The following ARHGEF11 variants were observed in gnomAD, a reference collection of about 807,000 sequenced individuals.
ARHGEF11 encodes the protein Rho guanine nucleotide exchange factor 11, also known as Rho guanine exchange factor (GEF) 11.
In ARHGEF11, 55 loss-of-function variants were observed where a neutral mutation model predicts 193.7. The observed-to-expected ratio is 0.28, with a 90% CI of 0.23 to 0.36. ARHGEF11 has a LOEUF of 0.36. ARHGEF11 is among the 10% of genes least tolerant of loss of function. The pLI, the probability that ARHGEF11 is intolerant of heterozygous loss-of-function variation, is 1.00. For synonymous variants in ARHGEF11, 693 were observed against 768.0 expected, an observed-to-expected ratio of 0.90 and a Z score of 1.62; for missense variants, 1,723 against 2,005.6, an observed-to-expected ratio of 0.86 and a Z score of 2.69.
intron 3 of ARHGEF11, among the ~76,000 whole-genome samples, chr1:156,982,074 T>C (rs1403595786): frequency 1.3e-5 from 2 of 152,208 alleles, no homozygotes; most frequent in African/African-American, 2.4e-5. Flanking sequence ...TATGGAAGAG[T>C]ACTTGCAAAT....
intron 11 of ARHGEF11, among the ~76,000 whole-genome samples, chr1:156,966,282 A>G (rs1246276640): frequency 6.6e-6 from 1 of 152,110 alleles, no homozygotes; most frequent in Admixed American, 6.6e-5. Context: ...AGTCAAAAGA[A>G]CTCCAGAAAG....
At position 156,947,945 on chromosome 1, in the gene ARHGEF11, G is replaced by A. The variant is rs1658445988; in HGVS notation, c.2165C>T (p.Ser722Phe). 5.6e-6 allele frequency: 9 copies of A among 1,613,162 alleles called. No individual in the cohort carries two copies. Among genetic ancestry groups the A allele is most frequent in the Non-Finnish European group, 7.6e-6 (9 of 1,179,286 alleles). ...TPKMGRRSIESPSLGFCTDTL... is the reference protein window; with the variant it reads ...TPKMGRRSIEFPSLGFCTDTL... ...ATCTGTGCAGAACCCCAAACTGGGG[G>A]ACTCAATGCTCCTGGGGGAAAACAG... The change falls in exon 25 of 41, where the codon TCC becomes TTC. Residue 722 changes from serine (S) to phenylalanine (F), a missense_variant. Ser to Phe is a radical substitution (Grantham distance 155). Transcript: ENST00000368194.
intron 1 of ARHGEF11, among the ~76,000 whole-genome samples, chr1:157,013,300 C>CACACA (rs1553228482): frequency 1.5e-4 from 20 of 133,940 alleles, no homozygotes; most frequent in East Asian, 5.5e-4. Context: ...CACACACACA[C>CACACA]CAAGAACCTT....
At chr1:156,993,151 G>C (rs964285303) in intron 1 of ARHGEF11, among the ~76,000 whole-genome samples, 2 of 152,204 alleles carry the variant, frequency 1.3e-5, no homozygotes, top group African/African-American at 2.4e-5. Context: ...CCATTTTCCA[G>C]TGTGTGAACA....
intron 7 of ARHGEF11, among the ~76,000 whole-genome samples, chr1:156,973,337 T>C (rs1662787817): frequency 6.6e-6 from 1 of 152,216 alleles, no homozygotes; most frequent in Non-Finnish European, 1.5e-5. Flanking sequence ...CTGCGCAGGC[T>C]ACTCTTTCAA....
intron 1 of ARHGEF11, among the ~76,000 whole-genome samples, chr1:157,013,864 T>A (rs1359511696): frequency 6.6e-6 from 1 of 152,240 alleles, no homozygotes; most frequent in Non-Finnish European, 1.5e-5. Context: ...CCTTTTCGCC[T>A]GAATTCCATA....
Position 156,945,086 on chromosome 1 carries a change from C to A in ARHGEF11, c.2924G>T (p.Gly975Val). The A allele has an allele frequency of 6.2e-7, 1 of 1,614,208 alleles. No individual in the cohort carries two copies. Among genetic ancestry groups the A allele is most frequent in the African/African-American group, 1.3e-5 (1 of 75,054 alleles). Residue 975 changes from glycine (G) to valine (V), a missense_variant, in exon 30 of 41, where the codon GGC becomes GTC. By Grantham distance (109) the Gly-to-Val change is moderately radical. Around this residue, in one of 5 missense-constraint regions of ARHGEF11, gnomAD observed 491 missense variants for 654.5 expected, o/e 0.75. Transcript: ENST00000368194. Reference sequence around the variant, plus strand: ...GGTGGCATCCAGGCGTTTCTGGTAGCCCTCTAAACGGTGGCGGTTCTCTGT... The same window carrying A: ...GGTGGCATCCAGGCGTTTCTGGTAGACCTCTAAACGGTGGCGGTTCTCTGT... ...KQTENRHRLE[G>V]YQKRLDATAL...
intron 32 of ARHGEF11, among the ~76,000 whole-genome samples, chr1:156,943,657 C>T (rs16837805): frequency 0.21 from 31,672 of 152,138 alleles, 3,523 homozygotes; most frequent in East Asian, 0.32. Context: ...CAGACACTCT[C>T]ACCCATCCTG....
In ARHGEF11 at chr1:156,958,778, A is replaced by G. The variant is rs1660329397; in HGVS notation, c.1466T>C (p.Val489Ala). The G allele has an allele frequency of 6.2e-7, 1 of 1,614,092 alleles. No individual in the cohort carries two copies. Residue 489 changes from valine (V) to alanine (A), a missense_variant, in exon 17 of 41, where the codon GTG becomes GCG. By Grantham distance (64) the Val-to-Ala change is moderately conservative. Transcript: ENST00000368194. The part of the protein sequence containing the change: ...LDGDPLRERQ[V>A]AEKQLAALGD... ...AAGGGCAGCCAGCTGCTTCTCAGCC[A>G]CTTGGCGCTCTCGGAGAGGGTCCCC...
chr1:157,003,897 TA>T (rs1399990254), intron 1 of ARHGEF11, among the ~76,000 whole-genome samples: 4 of 152,234 alleles, frequency 2.6e-5, no homozygotes, highest in Non-Finnish European at 5.9e-5. Context: ...TAGAATTCAT[TA>T]AAGCGTTTAG....
chr1:156,962,366 T>G (rs777452193), intron 13 of ARHGEF11, among the ~76,000 whole-genome samples: 1 of 152,156 alleles, frequency 6.6e-6, no homozygotes, highest in Non-Finnish European at 1.5e-5. Flanking sequence ...ACTCCTCTAC[T>G]CCATCTGCCC....
chr1:156,942,715 C>A lies in ARHGEF11; in HGVS notation c.3301G>T (p.Ala1101Ser), dbSNP rs757531818. 1 of 1,614,130 alleles carries A rather than the reference C, an allele frequency of 6.2e-7. No individual in the cohort carries two copies. The highest frequency in any genetic ancestry group is 1.7e-5 in the Admixed American group (1 of 60,028). Residue 1101 changes from alanine (A) to serine (S), a missense_variant, in exon 33 of 41, where the codon GCA becomes TCA. Ala to Ser is a moderately conservative substitution (Grantham distance 99). Transcript: ENST00000368194. ...GTGTTCTTGTCTGATGACGTCAATG[C>A]AACCAGCTCATAGATCTGGGGTGGG... ...LGPPQIYELVALTSSDKNTWM... is the reference protein window; with the variant it reads ...LGPPQIYELVSLTSSDKNTWM...
At chr1:156,953,591 T>C (rs1659441999) in intron 21 of ARHGEF11, among the ~76,000 whole-genome samples, 1 of 152,202 alleles carries the variant, frequency 6.6e-6, no homozygotes, top group African/African-American at 2.4e-5. Context: ...TTAAACTAAT[T>C]TGGAAGATAA....
rs963655559 is a variant in ARHGEF11 at position 156,993,699 on chromosome 1, T to C, written c.33-7526A>G. On this transcript the variant is annotated intron_variant, in intron 1 of 40. Coordinates refer to ENST00000368194, the MANE Select transcript of ARHGEF11 (RefSeq NM_198236.3). ...CAGCAGGCTCCTGGCACCCTAACTTTCTATGGATTCTGCCTCCGGGTAGAA... is the reference window on the plus strand; with the variant it reads ...CAGCAGGCTCCTGGCACCCTAACTTCCTATGGATTCTGCCTCCGGGTAGAA... Among the ~76,000 whole-genome samples, 4 of 152,126 alleles carry C rather than the reference T, an allele frequency of 2.6e-5. No homozygotes were observed. In the South Asian group the frequency reaches 8.3e-4, roughly 32 times the overall value.
chr1:156,987,945 C>A (rs1665168513), intron 1 of ARHGEF11, among the ~76,000 whole-genome samples: 1 of 152,218 alleles, frequency 6.6e-6, no homozygotes, highest in Non-Finnish European at 1.5e-5. Flanking sequence ...GGTGAGCTTA[C>A]TAACAGCCAT....
At chr1:157,026,901 A>G (rs865874518) in intron 1 of ARHGEF11, among the ~76,000 whole-genome samples, 1 of 152,218 alleles carries the variant, frequency 6.6e-6, no homozygotes, top group Admixed American at 6.5e-5. Flanking sequence ...AAACGGGTGG[A>G]GAACTTGGCC....
chr1:156,951,475 G>T, intron 22 of ARHGEF11, 98 bp downstream of exon 22: 1 of 1,518,322 alleles, frequency 6.6e-7, no homozygotes, highest in Non-Finnish European at 8.9e-7. Context: ...TTAGAAGCTA[G>T]TGGAGAGGGG....
chr1:157,027,338 C>T (rs1166675331), intron 1 of ARHGEF11, among the ~76,000 whole-genome samples: 1 of 152,104 alleles, frequency 6.6e-6, no homozygotes, highest in Non-Finnish European at 1.5e-5. Context: ...ATCAAGATCA[C>T]GCCACTGCAC....
chr1:157,005,098 T>A (rs1415160147), intron 1 of ARHGEF11, among the ~76,000 whole-genome samples: 1 of 152,230 alleles, frequency 6.6e-6, no homozygotes, highest in Non-Finnish European at 1.5e-5. Flanking sequence ...TTCTGAAATG[T>A]AGGGCTGATG....
Sources: gnomAD v4.1 joint callset for allele counts (sites outside exome capture counted in the v4.1 genomes callset) on GRCh38, gnomAD v4.1.1 for gene constraint, gnomAD v4.1.1 regional missense constraint, MANE v1.5 for transcripts, NCBI Gene and HGNC (gene_info 2026-07-23, HGNC 2026-07-21) for gene names.